CRACR2A: variants seen among roughly 807,000 people sequenced by gnomAD.
CRACR2A encodes the protein EF-hand calcium-binding domain-containing protein 4B.
A neutral mutation model predicts 90.5 loss-of-function variants in CRACR2A; 79 were observed. The observed-to-expected ratio is 0.87, with a 90% CI of 0.73 to 1.05. CRACR2A has a LOEUF of 1.05. CRACR2A is among the 50% of genes least tolerant of loss of function. The probability of loss-of-function intolerance (pLI) is 0.00; values close to 1 mark genes in which losing one functional copy is unlikely to be tolerated. For missense variants in CRACR2A, 823 were observed against 897.2 expected, an observed-to-expected ratio of 0.92 and a Z score of 1.06; for synonymous variants, 338 against 356.7, an observed-to-expected ratio of 0.95 and a Z score of 0.59.
At chr12:3,647,114 T>C (rs1944700380) in intron 11 of CRACR2A, among the ~76,000 whole-genome samples, 1 of 152,120 alleles carries the variant, frequency 6.6e-6, no homozygotes. Flanking sequence ...ATGGCAGCCC[T>C]TCTCACCCCG....
intron 1 of CRACR2A, among the ~76,000 whole-genome samples, chr12:3,742,532 C>T (rs1428696905): frequency 6.6e-6 from 1 of 152,180 alleles, no homozygotes; most frequent in Non-Finnish European, 1.5e-5. Context: ...GAATTGAATC[C>T]TGGCTCCCTG....
At chr12:3,685,480 T>A (rs1468535543) in intron 4 of CRACR2A, among the ~76,000 whole-genome samples, 1 of 152,230 alleles carries the variant, frequency 6.6e-6, no homozygotes, top group Non-Finnish European at 1.5e-5. Flanking sequence ...AGGCGGAAGC[T>A]ACCCAAGTAT....
chr12:3,635,981 C>G lies in CRACR2A; in HGVS notation c.1602+2143G>C, dbSNP rs149368218. Among the ~76,000 whole-genome samples, 351 of 152,202 alleles carry G rather than the reference C, an allele frequency of 2.3e-3. 3 individuals are homozygous for G. The highest frequency in any genetic ancestry group is 8.1e-3 in the African/African-American group (337 of 41,530). On this transcript the variant is annotated intron_variant, in intron 14 of 19. Transcript: ENST00000440314. ...TTATTAACTTACAAATTTTTTTAGT[C>G]ATTAAAGAGTTTTGAAAATACTTTT...
chr12:3,638,571 G>A (rs1591646145), intron 13 of CRACR2A, 117 bp from the exon 14 acceptor site: 1 of 1,209,366 alleles, frequency 8.3e-7, no homozygotes, highest in African/African-American at 1.5e-5. Context: ...CTTTGGACAA[G>A]AGCAGTCCGG....
intron 14 of CRACR2A, among the ~76,000 whole-genome samples, chr12:3,637,084 G>A (rs770164130): frequency 1.1e-4 from 16 of 152,198 alleles, no homozygotes; most frequent in Non-Finnish European, 1.6e-4. Flanking sequence ...TGAGCCAGAG[G>A]AGCCGCTTTT....
chr12:3,654,163 G>A, intron 10 of CRACR2A, 49 bp downstream of exon 10: 5 of 1,589,080 alleles, frequency 3.1e-6, no homozygotes, highest in Non-Finnish European at 4.3e-6. Context: ...GCCCATAGTG[G>A]GGAGTGGTGC....
intron 1 of CRACR2A, among the ~76,000 whole-genome samples, chr12:3,733,602 A>C (rs925155077): frequency 6.6e-6 from 1 of 152,136 alleles, no homozygotes; most frequent in Non-Finnish European, 1.5e-5. Flanking sequence ...GACCATGAGG[A>C]GGAAGCCTGA....
At chr12:3,619,154 A>C (rs1326978290) in intron 18 of CRACR2A, 117 bp downstream of exon 18, 2 of 732,158 alleles carry the variant, frequency 2.7e-6, no homozygotes, top group Non-Finnish European at 4.5e-6. Flanking sequence ...CATGTTTTCC[A>C]GTTGCTTCCT....
rs58583720 is a variant in CRACR2A at position 3,638,330 on chromosome 12, G to C, written c.1396C>G (p.Arg466Gly). ...GEPGPGGPYP[R>G]PLRRIISVEE... The stretch of plus-strand genomic sequence containing the variant: ...ACGGAGATGATTCTGCGGAGCGGCC[G>C]GGGGTACGGACCCCCAGGCCCTGGC... Residue 466 changes from arginine (R) to glycine (G), a missense_variant, in exon 14 of 20, where the codon CGG (arginine) becomes GGG (glycine). By Grantham distance (125) the Arg-to-Gly change is moderately radical (BLOSUM62 -2). Coordinates refer to ENST00000440314, the MANE Select transcript of CRACR2A (RefSeq NM_001144958.2). 3,654 of 1,551,072 alleles carry C rather than the reference G, an allele frequency of 2.4e-3. 73 individuals are homozygous for C. In the African/African-American group the frequency reaches 0.043, roughly 18 times the overall value.
intron 1 of CRACR2A, among the ~76,000 whole-genome samples, chr12:3,743,077 G>C (rs1022997627): frequency 6.6e-6 from 1 of 152,224 alleles, no homozygotes; most frequent in Admixed American, 6.5e-5. Flanking sequence ...AGAAAATTCA[G>C]ATGTGGTGTG....
Position 3,711,349 on chromosome 12 carries a change from C to T in CRACR2A, c.-37+1888G>A, listed in dbSNP as rs758149969. On this transcript the variant is annotated intron_variant, in intron 3 of 19. Transcript: ENST00000440314. This position sits in a 1 kb window ranked among gnomAD's most constrained non-coding sequence, Gnocchi z 4.3. ...CCTCTCAAATTTTACTTTAAGCAGT[C>T]GAGAGAAACTAGGCCACTCCTTTAA... Among the ~76,000 whole-genome samples the T allele has an allele frequency of 1.3e-5, 2 of 152,112 alleles. No homozygotes were observed. The highest frequency in any genetic ancestry group is 2.9e-5 in the Non-Finnish European group (2 of 68,018).
At chr12:3,634,092 A>G (rs1417745001) in intron 14 of CRACR2A, among the ~76,000 whole-genome samples, 6 of 152,136 alleles carry the variant, frequency 3.9e-5, no homozygotes, top group African/African-American at 1.4e-4. Flanking sequence ...CGGGGCACAG[A>G]GGAGGGGATC....
chr12:3,739,485 G>A (rs1183761180), intron 1 of CRACR2A, among the ~76,000 whole-genome samples: 1 of 152,146 alleles, frequency 6.6e-6, no homozygotes, highest in East Asian at 1.9e-4. Flanking sequence ...ATAAGACATT[G>A]CTAACAACAA....
rs1400517645 is a variant in CRACR2A at position 3,641,840 on chromosome 12, T to C, written c.1165-2A>G. The C allele has an allele frequency of 6.4e-7, 1 of 1,551,638 alleles. No individual in the cohort carries two copies. Among genetic ancestry groups the C allele is most frequent in the Admixed American group, 2.0e-5 (1 of 51,012 alleles). On this transcript the variant is annotated splice_acceptor_variant, in intron 12 of 19. Coordinates refer to ENST00000440314, the MANE Select transcript of CRACR2A (RefSeq NM_001144958.2). LOFTEE classifies it high-confidence loss of function. Reference sequence around the variant, plus strand: ...GTTTGCCTTGGCTGCCTTATTTTTCTGTAGAAACACAAAATGTCCTCAGAT... The same window carrying C: ...GTTTGCCTTGGCTGCCTTATTTTTCCGTAGAAACACAAAATGTCCTCAGAT...
At position 3,714,677 on chromosome 12, in the gene CRACR2A, C is replaced by G. The variant is rs76600526; in HGVS notation, c.-117-1360G>C. On this transcript the variant is annotated intron_variant, in intron 2 of 19. Transcript: ENST00000440314. ...TCTGAATTTTCTGATATTTTTATTA[C>G]TACAATGCATTATTTTGCAATAAGG... 3.8e-3 allele frequency among the ~76,000 whole-genome samples: 578 copies of G among 152,238 alleles called. 11 individuals carry two copies. The East Asian group carries it at 0.055, about 15-fold the overall frequency.
chr12:3,651,904 C>A (rs1323607084), intron 10 of CRACR2A, among the ~76,000 whole-genome samples: 1 of 152,206 alleles, frequency 6.6e-6, no homozygotes, highest in African/African-American at 2.4e-5. Context: ...TGCCGGTCTG[C>A]AACCCCACTC....
At chr12:3,726,868 A>G (rs1233006330) in intron 2 of CRACR2A, 2 of 152,162 alleles carry the variant, frequency 1.3e-5, no homozygotes, top group African/African-American at 4.8e-5. Context: ...AGAAAGAAAA[A>G]AAAAAGTGGC....
intron 13 of CRACR2A, among the ~76,000 whole-genome samples, chr12:3,639,685 C>G (rs1026030617): frequency 1.3e-5 from 2 of 152,104 alleles, no homozygotes; most frequent in Admixed American, 6.5e-5. Flanking sequence ...GCAGGTATCA[C>G]CATCCTGAAA....
At chr12:3,627,328 G>A (rs1944283453) in intron 17 of CRACR2A, 108 bp downstream of exon 17, 1 of 806,882 alleles carries the variant, frequency 1.2e-6, no homozygotes, top group African/African-American at 1.7e-5. Flanking sequence ...GAAAAGGCAA[G>A]TTCCGAATCA....
Sources: gnomAD v4.1 joint callset for allele counts (sites outside exome capture counted in the v4.1 genomes callset) on GRCh38, gnomAD v4.1.1 for gene constraint, Gnocchi (gnomAD v3.1) non-coding constraint, MANE v1.5 for transcripts, NCBI Gene and HGNC (gene_info 2026-07-23, HGNC 2026-07-21) for gene names.